ZNF385B: variants seen among roughly 807,000 people sequenced by gnomAD.
ZNF385B encodes the protein zinc finger protein 385B.
A neutral mutation model predicts 39.2 loss-of-function variants in ZNF385B; 23 were observed. The observed-to-expected ratio is 0.59, with a 90% CI of 0.42 to 0.83. The LOEUF is 0.83. ZNF385B is among the 40% of genes least tolerant of loss of function. ZNF385B has a pLI of 0.00. For synonymous variants in ZNF385B, 205 were observed against 222.6 expected, an observed-to-expected ratio of 0.92 and a Z score of 0.70; for missense variants, 552 against 598.9, an observed-to-expected ratio of 0.92 and a Z score of 0.82.
chr2:179,493,670 T>TAC (rs1199149734), intron 5 of ZNF385B, among the ~76,000 whole-genome samples: 34 of 135,572 alleles, frequency 2.5e-4, no homozygotes, highest in African/African-American at 8.9e-4. Context: ...TGTATATGCA[T>TAC]ATGCATATAC....
chr2:179,662,463 C>T (rs1694611222), intron 3 of ZNF385B, among the ~76,000 whole-genome samples: 1 of 151,056 alleles, frequency 6.6e-6, no homozygotes, highest in South Asian at 2.1e-4. Flanking sequence ...TACTTTATTA[C>T]CACAGCCTTA....
chr2:179,842,735 T>C (rs1178595106), intron 1 of ZNF385B, among the ~76,000 whole-genome samples: 1 of 152,150 alleles, frequency 6.6e-6, no homozygotes, highest in Non-Finnish European at 1.5e-5. Flanking sequence ...GTGATCCAGA[T>C]GAAGAGTCAC....
At chr2:179,821,460 C>T (rs998319765) in intron 1 of ZNF385B, among the ~76,000 whole-genome samples, 2 of 152,184 alleles carry the variant, frequency 1.3e-5, no homozygotes, top group African/African-American at 4.8e-5. Flanking sequence ...AATGAGAGTT[C>T]CGTTCTTTTA....
intron 5 of ZNF385B, among the ~76,000 whole-genome samples, chr2:179,505,781 T>C (rs1189972480): frequency 3.9e-5 from 6 of 152,046 alleles, no homozygotes; most frequent in African/African-American, 1.5e-4. Context: ...TGTGGGACAG[T>C]TCACTTCAGG....
intron 3 of ZNF385B, among the ~76,000 whole-genome samples, chr2:179,769,255 T>C (rs974909323): frequency 8.5e-5 from 13 of 152,136 alleles, no homozygotes; most frequent in African/African-American, 3.1e-4. Context: ...ATACAGGAAG[T>C]CTCTGGACCC....
chr2:179,579,884 T>C (rs936273333), intron 3 of ZNF385B, among the ~76,000 whole-genome samples: 28 of 152,260 alleles, frequency 1.8e-4, no homozygotes, highest in Admixed American at 1.6e-3. Flanking sequence ...ACAGAGAAGA[T>C]TGAGAAATTT....
At chr2:179,628,258 T>C (rs1690854371) in intron 3 of ZNF385B, among the ~76,000 whole-genome samples, 2 of 152,210 alleles carry the variant, frequency 1.3e-5, no homozygotes, top group Admixed American at 1.3e-4. Context: ...TTTTACAAAG[T>C]TGCTTTGTTC....
rs1690805987 is a variant in ZNF385B at position 179,627,813 on chromosome 2, T to TC, written c.299-82845_299-82844insG. 2.0e-5 allele frequency among the ~76,000 whole-genome samples: 3 copies of TC among 151,850 alleles called. No individual in the cohort carries two copies. The South Asian group carries it at 6.2e-4, about 32-fold the overall frequency. ...GGTGTTTCTATTGATCAAGTTTTTT[T>TC]TTTCCAAAAACAAATAGTAGCAAGA... On this transcript the variant is annotated intron_variant, in intron 3 of 9. Transcript: ENST00000410066.
At chr2:179,534,159 T>C (rs2059423115) in intron 4 of ZNF385B, among the ~76,000 whole-genome samples, 1 of 152,212 alleles carries the variant, frequency 6.6e-6, no homozygotes, top group Non-Finnish European at 1.5e-5. Flanking sequence ...GAATAACTAT[T>C]TTAAACTGGA....
At chr2:179,725,726 G>C (rs1006161485) in intron 3 of ZNF385B, among the ~76,000 whole-genome samples, 1 of 151,212 alleles carries the variant, frequency 6.6e-6, no homozygotes, top group Non-Finnish European at 1.5e-5. Context: ...TTTGAGAAAG[G>C]CTAAAAGGTA....
At chr2:179,833,095 G>A (rs1708067924) in intron 1 of ZNF385B, among the ~76,000 whole-genome samples, 1 of 152,046 alleles carries the variant, frequency 6.6e-6, no homozygotes, top group African/African-American at 2.4e-5. Flanking sequence ...ACATGTATAT[G>A]TGTGTATATA....
At chr2:179,801,530 A>G (rs1347487194) in intron 1 of ZNF385B, among the ~76,000 whole-genome samples, 2 of 152,114 alleles carry the variant, frequency 1.3e-5, no homozygotes, top group African/African-American at 4.8e-5. Context: ...TCACATTTCA[A>G]TTACATAACT....
At position 179,742,737 on chromosome 2, in the gene ZNF385B, T is replaced by C. The variant is rs182850086; in HGVS notation, c.298+26766A>G. ...ACTCTATAAATTGCCCAAATTATTG[T>C]TGGATTTATACAATCAGGAAAGCCA... On this transcript the variant is annotated intron_variant, in intron 3 of 9. Transcript: ENST00000410066. Among the ~76,000 whole-genome samples the C allele has an allele frequency of 6.3e-3, 966 of 152,182 alleles. 6 individuals are homozygous for C. The highest frequency in any genetic ancestry group is 9.9e-3 in the Admixed American group (151 of 15,278).
At chr2:179,704,071 T>C (rs1421406080) in intron 3 of ZNF385B, among the ~76,000 whole-genome samples, 1 of 152,202 alleles carries the variant, frequency 6.6e-6, no homozygotes, top group East Asian at 1.9e-4. Flanking sequence ...TTTTGTTTTA[T>C]AAAAGTCATT....
At chr2:179,681,252 C>A (rs371262054) in intron 3 of ZNF385B, among the ~76,000 whole-genome samples, 1 of 151,932 alleles carries the variant, frequency 6.6e-6, no homozygotes, top group Non-Finnish European at 1.5e-5. Flanking sequence ...CATTAAATAA[C>A]GTACATGAAC....
intron 1 of ZNF385B, among the ~76,000 whole-genome samples, chr2:179,776,206 C>A (rs1213391680): frequency 6.6e-6 from 1 of 152,104 alleles, no homozygotes; most frequent in East Asian, 1.9e-4. Context: ...TGGATGGGTG[C>A]GAGAAGGAAG....
At chr2:179,648,471 T>G (rs559920895) in intron 3 of ZNF385B, among the ~76,000 whole-genome samples, 25 of 152,224 alleles carry the variant, frequency 1.6e-4, no homozygotes, top group Admixed American at 1.2e-3. Context: ...TGGATGCACA[T>G]GTGCACATGT....
chr2:179,489,029 C>A (rs1219889486), intron 5 of ZNF385B, among the ~76,000 whole-genome samples: 1 of 151,960 alleles, frequency 6.6e-6, no homozygotes, highest in African/African-American at 2.4e-5. Flanking sequence ...TGGGAGGTAC[C>A]AAGAAACAAA....
At chr2:179,700,897 G>A (rs979348240) in intron 3 of ZNF385B, among the ~76,000 whole-genome samples, 2 of 152,036 alleles carry the variant, frequency 1.3e-5, no homozygotes, top group Non-Finnish European at 2.9e-5. Context: ...GCTTGTAGTC[G>A]CAGCTACTCG....
Sources: allele counts gnomAD v4.1 joint callset (sites outside exome capture counted in the v4.1 genomes callset), GRCh38; gene constraint gnomAD v4.1.1; transcripts MANE v1.5; gene names NCBI Gene and HGNC (gene_info 2026-07-23, HGNC 2026-07-21).